Variants in LRRC14 observed in about 807,000 individuals in gnomAD.
The protein encoded by LRRC14 is leucine-rich repeat-containing protein 14.
In LRRC14, 16 loss-of-function variants were observed where a neutral mutation model predicts 25.3. The observed-to-expected ratio is 0.63, with a 90% CI of 0.43 to 0.96. The LOEUF is 0.96. Among genes scored for constraint, LRRC14 ranks in the 40% least tolerant of loss-of-function variants. LRRC14 has a pLI of 0.00. For synonymous variants in LRRC14, 359 were observed against 295.1 expected (o/e 1.22, Z -2.22); for missense variants, 594 against 660.5 (o/e 0.90, Z 1.10).
chr8:144,521,100 G>C lies in LRRC14; in HGVS notation c.1104G>C (p.Leu368Phe). ...TGCAGGCATCAGCAGCCACACTGTT[G>C]CATCTGGAGCTGACTGAGTGTCAGC... ...GLLQASAATL[L>F]HLELTECQLA... Residue 368 changes from leucine to phenylalanine, a missense_variant, in exon 4 of 4, where the codon TTG becomes TTC. Transcript: ENST00000292524. 1.2e-6 allele frequency: 2 copies of C among 1,613,072 alleles called. No individual in the cohort carries two copies. The highest frequency in any genetic ancestry group is 8.5e-7 in the Non-Finnish European group (1 of 1,180,030).
rs141830884 is a variant in LRRC14, at chr8:144,520,613, C to T, written c.705C>T (p.Arg235=). 30 of 1,601,538 alleles carry T rather than the reference C, an allele frequency of 1.9e-5. No homozygotes were observed. The highest frequency in any genetic ancestry group is 1.6e-4 in the Middle Eastern group (1 of 6,084). ...VDLRFNNLGL[R]GLSVIIPHVA... ...TGCGCTTCAACAATCTGGGCCTGCG[C>T]GGCCTGTCTGTGATCATCCCACACG... The change falls in exon 3 of 4, where the codon CGC becomes CGT. Residue 235 remains arginine (R), a synonymous_variant. Coordinates refer to ENST00000292524, the MANE Select transcript of LRRC14 (RefSeq NM_014665.4).
At position 144,523,429 on chromosome 8, in the gene LRRC14, G is replaced by T; in HGVS notation, c.*1951G>T. ...GGTTCTCTGTGGGAGAGCAGCGTTAGGCAGGTGGCTTGAGGGTGCTGCTAA... is the reference window on the plus strand; with the variant it reads ...GGTTCTCTGTGGGAGAGCAGCGTTATGCAGGTGGCTTGAGGGTGCTGCTAA... On this transcript the variant is annotated 3_prime_UTR_variant, in exon 4 of 4. Transcript: ENST00000292524. 6.6e-7 allele frequency: 1 copy of T among 1,513,374 alleles called. No individual in the cohort carries two copies. Among genetic ancestry groups the T allele is most frequent in the South Asian group, 1.3e-5 (1 of 75,702 alleles). 93.7% of individuals were successfully genotyped at this position (1,513,374 alleles called of 1,614,324 possible). A position where few individuals can be genotyped will look rare whatever the true frequency, so the allele number is the denominator to read the frequency against.
Position 144,525,156 on chromosome 8 carries a change from C to T in LRRC14, c.*3678C>T, listed in dbSNP as rs978584202. 5.8e-5 allele frequency: 34 copies of T among 582,630 alleles called. No homozygotes were observed. The highest frequency in any genetic ancestry group is 8.8e-5 in the Non-Finnish European group (34 of 384,938). The allele number at this position is 582,630 out of a possible 1,614,324, so 36.1% of individuals were successfully genotyped here. On this transcript the variant is annotated 3_prime_UTR_variant, in exon 4 of 4. Transcript: ENST00000292524. ...AGGTTCAAGAAACTAATAAAACGTT[C>T]TGGTTTTCTCCTTTGACAAAAACAT...
At position 144,521,759 on chromosome 8, in the gene LRRC14, C is replaced by G. The variant is rs1816078983; in HGVS notation, c.*281C>G. 1 of 459,728 alleles carries G rather than the reference C, an allele frequency of 2.2e-6. No individual in the cohort carries two copies. Among genetic ancestry groups the G allele is most frequent in the African/African-American group, 2.0e-5 (1 of 51,190 alleles). 28.5% of individuals were successfully genotyped at this position (459,728 alleles called of 1,614,324 possible). On this transcript the variant is annotated 3_prime_UTR_variant, in exon 4 of 4. Coordinates refer to ENST00000292524, the MANE Select transcript of LRRC14 (RefSeq NM_014665.4). ...CAGTTTGGCTGCATTTGGCTGCCGT[C>G]TGGGGTCCTGGTCCTTTGTGCAAAT...
At chr8:144,520,861 T>C (rs1158902613) in intron 3 of LRRC14, 39 bp downstream of exon 3, 1 of 1,593,978 alleles carries the variant, frequency 6.3e-7, no homozygotes. Context: ...CTCCCTTCTG[T>C]AGGGACCCTC....
In LRRC14 at chr8:144,524,406, G is replaced by A; in HGVS notation, c.*2928G>A. ...GCCCTACAGGGCGAGGGGCCATAAT[G>A]GAGTATCCCGCCCCTTTAGACCCCA... On this transcript the variant is annotated 3_prime_UTR_variant, in exon 4 of 4. Coordinates refer to ENST00000292524, the MANE Select transcript of LRRC14 (RefSeq NM_014665.4). The A allele has an allele frequency of 6.3e-7, 1 of 1,595,874 alleles. No individual in the cohort carries two copies. The highest frequency in any genetic ancestry group is 1.3e-5 in the African/African-American group (1 of 74,916).
At position 144,524,204 on chromosome 8, in the gene LRRC14, G is replaced by C. The variant is rs1185578968; in HGVS notation, c.*2726G>C. 1 of 1,612,604 alleles carries C rather than the reference G, an allele frequency of 6.2e-7. No individual in the cohort carries two copies. Among genetic ancestry groups the C allele is most frequent in the Non-Finnish European group, 8.5e-7 (1 of 1,179,908 alleles). ...TCCTGCTGAGGTCCAGCAGTGCTAGGGAGGACAGCCCCGCTAGAGCCTGGT... is the reference window on the plus strand; with the variant it reads ...TCCTGCTGAGGTCCAGCAGTGCTAGCGAGGACAGCCCCGCTAGAGCCTGGT... On this transcript the variant is annotated 3_prime_UTR_variant, in exon 4 of 4. Transcript: ENST00000292524.
At position 144,525,100 on chromosome 8, in the gene LRRC14, G is replaced by C. The variant is rs1199828126; in HGVS notation, c.*3622G>C. 3.7e-6 allele frequency: 4 copies of C among 1,070,122 alleles called. No individual in the cohort carries two copies. Among genetic ancestry groups the C allele is most frequent in the Non-Finnish European group, 4.9e-6 (4 of 811,760 alleles). The allele number at this position is 1,070,122 out of a possible 1,614,324, so 66.3% of individuals were successfully genotyped here. On this transcript the variant is annotated 3_prime_UTR_variant, in exon 4 of 4. Coordinates refer to ENST00000292524, the MANE Select transcript of LRRC14 (RefSeq NM_014665.4). ...CAGCCAATAGATGGAATGGAGGCCT[G>C]CACCTGCGTCTAACTTTTGACGCTA...
Position 144,521,517 on chromosome 8 carries a change from C to T in LRRC14, c.*39C>T. The T allele has an allele frequency of 6.4e-7, 1 of 1,556,056 alleles. No individual in the cohort carries two copies. ...GGTGAGACACAGGCCGCCCTGCAGT[C>T]TCTTTAGGTAGGCAGGGCCTTTGCT... On this transcript the variant is annotated 3_prime_UTR_variant, in exon 4 of 4. Transcript: ENST00000292524.
chr8:144,522,777 G>A lies in LRRC14; in HGVS notation c.*1299G>A, dbSNP rs772861025. ...ACCAGGAGCAGCGCCGTGAGCGCCA[G>A]CAGCGCGATGGCCGCCGCAATGGCC... On this transcript the variant is annotated 3_prime_UTR_variant, in exon 4 of 4. Transcript: ENST00000292524. The A allele has an allele frequency of 5.8e-6, 9 of 1,561,718 alleles. No homozygotes were observed. Among genetic ancestry groups the A allele is most frequent in the Non-Finnish European group, 7.8e-6 (9 of 1,157,748 alleles).
Position 144,522,712 on chromosome 8 carries a change from C to T in LRRC14, c.*1234C>T, listed in dbSNP as rs1586853514. 4.4e-6 allele frequency: 7 copies of T among 1,595,224 alleles called. No homozygotes were observed. Among genetic ancestry groups the T allele is most frequent in the East Asian group, 2.3e-5 (1 of 43,538 alleles). ...GCGCTCCCTCCCCCGGAGGCCCCCG[C>T]GCCTTTTTTCGCCTGCGGCGCCGGC... On this transcript the variant is annotated 3_prime_UTR_variant, in exon 4 of 4. Coordinates refer to ENST00000292524, the MANE Select transcript of LRRC14 (RefSeq NM_014665.4).
In LRRC14 at chr8:144,522,999, C is replaced by T. The variant is rs1186475290; in HGVS notation, c.*1521C>T. Reference sequence around the variant, plus strand: ...GAGGCCTCGCACTCGTACTTACCGGCGTGCGCCAGCGTGATGTTGCTGAGG... The same window carrying T: ...GAGGCCTCGCACTCGTACTTACCGGTGTGCGCCAGCGTGATGTTGCTGAGG... On this transcript the variant is annotated 3_prime_UTR_variant, in exon 4 of 4. Coordinates refer to ENST00000292524, the MANE Select transcript of LRRC14 (RefSeq NM_014665.4). 3 of 1,595,350 alleles carry T rather than the reference C, an allele frequency of 1.9e-6. No homozygotes were observed. Among genetic ancestry groups the T allele is most frequent in the African/African-American group, 1.3e-5 (1 of 74,492 alleles).
Position 144,523,289 on chromosome 8 carries a change from G to T in LRRC14, c.*1811G>T. On this transcript the variant is annotated 3_prime_UTR_variant, in exon 4 of 4. Coordinates refer to ENST00000292524, the MANE Select transcript of LRRC14 (RefSeq NM_014665.4). Reference sequence around the variant, plus strand: ...GGATACGTCCAGGAGACTCTGGAGCGCCAGGCGCGGGGGCTCTGCACACAT... The same window carrying T: ...GGATACGTCCAGGAGACTCTGGAGCTCCAGGCGCGGGGGCTCTGCACACAT... The T allele has an allele frequency of 6.2e-7, 1 of 1,610,756 alleles. No individual in the cohort carries two copies. The highest frequency in any genetic ancestry group is 8.5e-7 in the Non-Finnish European group (1 of 1,179,114).
Position 144,522,923 on chromosome 8 carries a change from G to C in LRRC14, c.*1445G>C. The C allele has an allele frequency of 6.8e-7, 1 of 1,469,708 alleles. No individual in the cohort carries two copies. Among genetic ancestry groups the C allele is most frequent in the Non-Finnish European group, 8.9e-7 (1 of 1,118,882 alleles). The allele number at this position is 1,469,708 out of a possible 1,614,324, so 91.0% of individuals were successfully genotyped here. ...CGCGGGCTGCTGCGGCTGCTGCCGG[G>C]ACGCGTTGACCAGGAGCCGGAAGGG... On this transcript the variant is annotated 3_prime_UTR_variant, in exon 4 of 4. Transcript: ENST00000292524.
In LRRC14 at chr8:144,520,464, C is replaced by G. The variant is rs760575627; in HGVS notation, c.556C>G (p.Arg186Gly). ...ASYAFLREAL[R>G]SSVGSPLRLC... ...CTATGCGTTCCTGCGGGAGGCACTC[C>G]GAAGCAGCGTGGGCAGCCCGCTGCG... The change falls in exon 3 of 4, where the codon CGA becomes GGA. Residue 186 changes from arginine to glycine, a missense_variant. Physicochemically the swap from Arg to Gly is moderately radical, Grantham distance 125. Transcript: ENST00000292524. The G allele has an allele frequency of 6.3e-7, 1 of 1,597,220 alleles. No homozygotes were observed. The highest frequency in any genetic ancestry group is 8.5e-7 in the Non-Finnish European group (1 of 1,176,154).
In LRRC14 at chr8:144,524,284, G is replaced by A. The variant is rs1178265789; in HGVS notation, c.*2806G>A. ...AGGTGAAGCTCCTGCAGTCGCTGAA[G>A]TAAGGACAGCAGATCGTGAGGAAAA... On this transcript the variant is annotated 3_prime_UTR_variant, in exon 4 of 4. Transcript: ENST00000292524. The A allele has an allele frequency of 5.0e-6, 8 of 1,611,210 alleles. No homozygotes were observed. Among genetic ancestry groups the A allele is most frequent in the Non-Finnish European group, 6.8e-6 (8 of 1,179,918 alleles).
chr8:144,522,542 C>T lies in LRRC14; in HGVS notation c.*1064C>T. 2.0e-6 allele frequency: 3 copies of T among 1,527,222 alleles called. No individual in the cohort carries two copies. Among genetic ancestry groups the T allele is most frequent in the Non-Finnish European group, 2.6e-6 (3 of 1,139,080 alleles). 94.6% of individuals were successfully genotyped at this position (1,527,222 alleles called of 1,614,324 possible). ...TCCCGGCCCCGCCCCCTGTTCCGGG[C>T]CGCAGTCAGCGGGCGCCTCCGCCGG... is the stretch of plus-strand genomic sequence containing the variant. On this transcript the variant is annotated 3_prime_UTR_variant, in exon 4 of 4. Coordinates refer to ENST00000292524, the MANE Select transcript of LRRC14 (RefSeq NM_014665.4).
In LRRC14 at chr8:144,521,373, C is replaced by T. The variant is rs141048188; in HGVS notation, c.1377C>T (p.Arg459=). 1.2e-4 allele frequency: 187 copies of T among 1,612,612 alleles called. No homozygotes were observed. The East Asian group carries it at 2.8e-3, about 24-fold the overall frequency. The change falls in exon 4 of 4, where the codon CGC becomes CGT. Residue 459 remains arginine, a synonymous_variant. Transcript: ENST00000292524. ...CCATCAATGAGGAGAAGTTTGCCCG[C>T]GTAGAAGCTGAGTTGCACCAGCTGC... ...EASINEEKFA[R]VEAELHQLLL... is the part of the protein sequence containing the mutation.
Position 144,520,495 on chromosome 8 carries a change from G to T in LRRC14, c.587G>T (p.Cys196Phe). 1 of 1,598,700 alleles carries T rather than the reference G, an allele frequency of 6.3e-7. No homozygotes were observed. Residue 196 changes from cysteine to phenylalanine, a missense_variant, in exon 3 of 4, where the codon TGC becomes TTC. Coordinates refer to ENST00000292524, the MANE Select transcript of LRRC14 (RefSeq NM_014665.4). ...AGCGTGGGCAGCCCGCTGCGGCTCTGCTGCCGGGACCTGCGAGCTGAGGAC... is the reference window on the plus strand; with the variant it reads ...AGCGTGGGCAGCCCGCTGCGGCTCTTCTGCCGGGACCTGCGAGCTGAGGAC... ...RSSVGSPLRL[C>F]CRDLRAEDLP...
Sources: allele counts gnomAD v4.1 joint callset, GRCh38; gene constraint gnomAD v4.1.1; transcripts MANE v1.5; gene names NCBI Gene and HGNC (gene_info 2026-07-23, HGNC 2026-07-21).